The following PARD3B variants were observed in gnomAD, a reference collection of about 807,000 sequenced individuals.
The protein encoded by PARD3B is par-3 family cell polarity regulator beta.
PARD3B carries 103 observed loss-of-function variants against 130.2 expected under a neutral mutation model. The observed-to-expected ratio is 0.79, with a 90% CI of 0.67 to 0.93. The LOEUF is 0.93. Among genes scored for constraint, PARD3B ranks in the 40% least tolerant of loss-of-function variants. PARD3B has a pLI of 0.00. For missense variants in PARD3B, 1,609 were observed against 1,499.2 expected (o/e 1.07, Z -1.21); for synonymous variants, 583 against 553.2 (o/e 1.05, Z -0.76).
intron 2 of PARD3B, among the ~76,000 whole-genome samples, chr2:204,760,775 C>T (rs1336800429): frequency 6.6e-6 from 1 of 152,128 alleles, no homozygotes; most frequent in African/African-American, 2.4e-5. Flanking sequence ...GGTGAAAGTA[C>T]TGTGCTATAA....
intron 18 of PARD3B, among the ~76,000 whole-genome samples, chr2:205,368,179 ATGAT>A (rs1197219958): frequency 6.6e-6 from 1 of 152,228 alleles, no homozygotes; most frequent in Non-Finnish European, 1.5e-5. Context: ...TATCCATGGC[ATGAT>A]TCCAGTGGTG....
chr2:205,108,299 C>T (rs72930560), intron 5 of PARD3B, among the ~76,000 whole-genome samples: 1,992 of 152,202 alleles, frequency 0.013, 14 homozygotes, highest in Non-Finnish European at 0.021. Flanking sequence ...TAAACCATAG[C>T]GTTTATCACA....
At chr2:205,376,819 G>A (rs1374716592) in intron 18 of PARD3B, among the ~76,000 whole-genome samples, 1 of 152,170 alleles carries the variant, frequency 6.6e-6, no homozygotes, top group African/African-American at 2.4e-5. Context: ...TGGAGGGTCT[G>A]GGGGAACAGC....
chr2:204,762,147 A>ATTGCTCTGCC (rs1479102984), intron 2 of PARD3B, among the ~76,000 whole-genome samples: 1 of 110,130 alleles, frequency 9.1e-6, no homozygotes, highest in East Asian at 2.7e-4. Context: ...TTTGAGATGG[A>ATTGCTCTGCC]ATCTTGCTCT....
chr2:204,841,176 A>T (rs1028143694), intron 2 of PARD3B, among the ~76,000 whole-genome samples: 4 of 152,016 alleles, frequency 2.6e-5, no homozygotes, highest in Non-Finnish European at 5.9e-5. Context: ...ATCTGTTTGT[A>T]CTTGGTAAGG....
At chr2:205,138,935 C>A (rs1245886391) in intron 10 of PARD3B, among the ~76,000 whole-genome samples, 1 of 152,196 alleles carries the variant, frequency 6.6e-6, no homozygotes, top group Non-Finnish European at 1.5e-5. Context: ...TTCCTCCAAT[C>A]CTCTACTGAT....
rs182217290 is a variant in PARD3B at position 205,163,449 on chromosome 2, T to C, written c.1620+4542T>C. On this transcript the variant is annotated intron_variant, in intron 11 of 22. Transcript: ENST00000406610. The stretch of plus-strand genomic sequence containing the variant: ...CACTCAGAATATGAAATAGACATAA[T>C]TGAAGTAATTTGATTCTTGTGTGCT... 6.6e-5 allele frequency among the ~76,000 whole-genome samples: 10 copies of C among 152,282 alleles called. No individual in the cohort carries two copies. The East Asian group carries it at 7.7e-4, about 12-fold the overall frequency.
At chr2:205,601,989 T>A (rs150115437) in intron 22 of PARD3B, among the ~76,000 whole-genome samples, 2,355 of 152,340 alleles carry the variant, frequency 0.015, 59 homozygotes, top group African/African-American at 0.054. Flanking sequence ...TTTTCCCCAT[T>A]CAGTATGATA....
At chr2:204,912,330 T>C (rs547167314) in intron 2 of PARD3B, among the ~76,000 whole-genome samples, 3 of 152,286 alleles carry the variant, frequency 2.0e-5, no homozygotes, top group Non-Finnish European at 2.9e-5. Context: ...TTTATATCTT[T>C]GGATCTTCCC....
chr2:205,365,951 T>A (rs2044592505), intron 18 of PARD3B, among the ~76,000 whole-genome samples: 1 of 152,204 alleles, frequency 6.6e-6, no homozygotes, highest in Non-Finnish European at 1.5e-5. Flanking sequence ...ATAGGTTACA[T>A]GACCACATAA....
At chr2:205,063,594 T>C (rs1700184716) in intron 4 of PARD3B, among the ~76,000 whole-genome samples, 1 of 152,172 alleles carries the variant, frequency 6.6e-6, no homozygotes, top group Admixed American at 6.5e-5. Context: ...TATTTTGTGC[T>C]AGTTATTTTT....
Position 205,551,488 on chromosome 2 carries a change from G to A in PARD3B, c.3181-1836G>A, listed in dbSNP as rs551758181. 8.5e-5 allele frequency among the ~76,000 whole-genome samples: 13 copies of A among 152,058 alleles called. No homozygotes were observed. In the East Asian group the frequency reaches 2.3e-3, roughly 27 times the overall value. ...CTGTCTGTGATTGCTTTAAAGATGT[G>A]AAGTCTTCGTCCCTACCTACGTAGT... On this transcript the variant is annotated intron_variant, in intron 21 of 22. Coordinates refer to ENST00000406610, the MANE Select transcript of PARD3B (RefSeq NM_001302769.2).
intron 1 of PARD3B, among the ~76,000 whole-genome samples, chr2:204,559,823 T>C (rs978553734): frequency 5.3e-5 from 8 of 152,164 alleles, no homozygotes; most frequent in Non-Finnish European, 7.4e-5. Flanking sequence ...GTTAAGAAGA[T>C]GTAGCACATA....
intron 2 of PARD3B, among the ~76,000 whole-genome samples, chr2:204,789,182 G>C (rs1174789793): frequency 1.3e-5 from 2 of 152,084 alleles, no homozygotes; most frequent in Non-Finnish European, 2.9e-5. Context: ...TCAGCCTCCA[G>C]AGTAGCTGGG....
chr2:205,089,849 T>A (rs1420021426), intron 4 of PARD3B, among the ~76,000 whole-genome samples: 1 of 152,240 alleles, frequency 6.6e-6, no homozygotes, highest in East Asian at 1.9e-4. Context: ...TGTAATTTGC[T>A]CCTTTCTCAG....
At chr2:204,856,367 A>T (rs2044938228) in intron 2 of PARD3B, among the ~76,000 whole-genome samples, 2 of 152,132 alleles carry the variant, frequency 1.3e-5, no homozygotes, top group Admixed American at 1.3e-4. Flanking sequence ...GCCTGTTCAG[A>T]TCCTTTGCCC....
chr2:205,333,582 G>A (rs1331288042), intron 18 of PARD3B, among the ~76,000 whole-genome samples: 1 of 152,114 alleles, frequency 6.6e-6, no homozygotes, highest in African/African-American at 2.4e-5. Context: ...TTCCATCAGA[G>A]AAATTCCTCT....
In PARD3B at chr2:205,556,818, A is replaced by T. The variant is rs116885119; in HGVS notation, c.3260+3415A>T. Among the ~76,000 whole-genome samples, 7 of 152,296 alleles carry T rather than the reference A, an allele frequency of 4.6e-5. No individual in the cohort carries two copies. The East Asian group carries it at 1.4e-3, about 29-fold the overall frequency. On this transcript the variant is annotated intron_variant, in intron 22 of 22. Coordinates refer to ENST00000406610, the MANE Select transcript of PARD3B (RefSeq NM_001302769.2). ...GCCTGACACCCTAGGTGAGTAGGGAAGTGGCTGTTTCCTAGGCTGCTATGA... is the reference window on the plus strand; with the variant it reads ...GCCTGACACCCTAGGTGAGTAGGGATGTGGCTGTTTCCTAGGCTGCTATGA...
At chr2:205,028,169 A>G (rs546383533) in intron 3 of PARD3B, among the ~76,000 whole-genome samples, 1 of 152,272 alleles carries the variant, frequency 6.6e-6, no homozygotes, top group East Asian at 1.9e-4. Flanking sequence ...TAGTATGGAC[A>G]TTTTAACAAT....
Sources: allele counts gnomAD v4.1 joint callset (sites outside exome capture counted in the v4.1 genomes callset), GRCh38; gene constraint gnomAD v4.1.1; transcripts MANE v1.5; gene names NCBI Gene and HGNC (gene_info 2026-07-23, HGNC 2026-07-21).